Variants in DNAH9 observed in about 807,000 individuals in gnomAD.
The protein encoded by DNAH9 is DNAH9 variant protein.
DNAH9 carries 345 observed loss-of-function variants against 471.6 expected under a neutral mutation model. That is an observed-to-expected ratio of 0.73 (90% confidence interval 0.67 to 0.80). The LOEUF is 0.80. Among genes scored for constraint, DNAH9 ranks in the 30% least tolerant of loss-of-function variants. The pLI is 0.00. For missense variants in DNAH9, 5,407 were observed against 5,609.2 expected, an observed-to-expected ratio of 0.96 and a Z score of 1.15; for synonymous variants, 2,093 against 2,123.6, an observed-to-expected ratio of 0.99 and a Z score of 0.40.
rs1221688328 is a variant in DNAH9 at position 11,763,312 on chromosome 17, G to A, written c.6996-128G>A. On this transcript the variant is annotated intron_variant, in intron 35 of 68. Transcript: ENST00000262442. ...TAAAGGCTTAAGTGGCGCTCTGGTT[G>A]TCTGTAATCCCAAAGAACTTGACGG... The A allele has an allele frequency of 8.9e-6, 7 of 785,632 alleles. 1 individual carries two copies. Among genetic ancestry groups the A allele is most frequent in the Non-Finnish European group, 1.5e-5 (7 of 477,586 alleles). The allele number at this position is 785,632 out of a possible 1,614,324, so 48.7% of individuals were successfully genotyped here.
In DNAH9 at chr17:11,669,046, G is replaced by A; in HGVS notation, c.2732-18G>A. 1 of 1,574,682 alleles carries A rather than the reference G, an allele frequency of 6.4e-7. No individual in the cohort carries two copies. Among genetic ancestry groups the A allele is most frequent in the South Asian group, 1.1e-5 (1 of 87,688 alleles). On this transcript the variant is annotated intron_variant, in intron 15 of 68. Transcript: ENST00000262442. ...TATCCACTCTTTGTTTTGTTTGCTT[G>A]TTTTCTGTGTTTTTCAGAGTGTAAG...
chr17:11,904,757 G>A (rs1419522461), intron 60 of DNAH9, among the ~76,000 whole-genome samples: 1 of 151,892 alleles, frequency 6.6e-6, no homozygotes, highest in South Asian at 2.1e-4. Context: ...GAGCCCAGTC[G>A]AGAAGGCTAC....
chr17:11,834,984 A>G, intron 49 of DNAH9, 86 bp downstream of exon 49: 2 of 1,515,874 alleles, frequency 1.3e-6, no homozygotes, highest in Non-Finnish European at 1.8e-6. Context: ...AGATGCAAGG[A>G]CAATGTTGGG....
intron 45 of DNAH9, among the ~76,000 whole-genome samples, chr17:11,816,251 C>CA (rs940423501): frequency 3.3e-5 from 5 of 151,674 alleles, no homozygotes; most frequent in South Asian, 4.2e-4. Context: ...TCCAGAAATA[C>CA]AAAAAAAAGA....
At position 11,757,579 on chromosome 17, in the gene DNAH9, G is replaced by T; in HGVS notation, c.6882G>T (p.Trp2294Cys). The part of the protein sequence containing the change: ...ILYINPADLG[W>C]NPPVSSWIEK... ...ACATCAACCCGGCAGACTTGGGATG[G>T]AACCCTCCAGTGAGCAGCTGGATTG... Residue 2294 changes from tryptophan (W) to cysteine (C), a missense_variant, in exon 35 of 69, where the codon TGG (tryptophan) becomes TGT (cysteine). By Grantham distance (215) the Trp-to-Cys change is radical. This residue lies in a region of DNAH9 where 4,636 missense variants were observed against 4,900.3 expected (regional missense o/e 0.95). Coordinates refer to ENST00000262442, the MANE Select transcript of DNAH9 (RefSeq NM_001372.4). 6.2e-7 allele frequency: 1 copy of T among 1,613,970 alleles called. No homozygotes were observed. The highest frequency in any genetic ancestry group is 8.5e-7 in the Non-Finnish European group (1 of 1,179,820).
chr17:11,940,946 T>C (rs1365462551), intron 66 of DNAH9, among the ~76,000 whole-genome samples: 1 of 152,180 alleles, frequency 6.6e-6, no homozygotes, highest in Non-Finnish European at 1.5e-5. Context: ...AGGCAAGAAA[T>C]GGCTCACTCT....
At chr17:11,676,781 G>T (rs2150736964) in intron 17 of DNAH9, among the ~76,000 whole-genome samples, 1 of 151,124 alleles carries the variant, frequency 6.6e-6, no homozygotes, top group Admixed American at 6.6e-5. Context: ...TGAGTCTTTT[G>T]TCTGTTTGCA....
chr17:11,605,146 C>G (rs1301201054), intron 1 of DNAH9, among the ~76,000 whole-genome samples: 1 of 152,168 alleles, frequency 6.6e-6, no homozygotes, highest in Non-Finnish European at 1.5e-5. Context: ...GTTCCTTCTC[C>G]CTGCAATATA....
intron 26 of DNAH9, among the ~76,000 whole-genome samples, chr17:11,706,849 T>C (rs1464744638): frequency 6.6e-6 from 1 of 152,146 alleles, no homozygotes; most frequent in African/African-American, 2.4e-5. Context: ...GGTGGCAAAG[T>C]CACAGACATG....
At chr17:11,888,205 C>A (rs547523562) in intron 57 of DNAH9, among the ~76,000 whole-genome samples, 1 of 151,876 alleles carries the variant, frequency 6.6e-6, no homozygotes, top group Non-Finnish European at 1.5e-5. Context: ...AGGATGGTCT[C>A]GATCTCCGGA....
intron 4 of DNAH9, among the ~76,000 whole-genome samples, chr17:11,615,441 C>G (rs1005837073): frequency 5.9e-5 from 9 of 151,980 alleles, no homozygotes; most frequent in African/African-American, 2.2e-4. Flanking sequence ...AAAAATTAGC[C>G]AGACATGGTG....
At position 11,618,996 on chromosome 17, in the gene DNAH9, A is replaced by T. The variant is rs2150654658; in HGVS notation, c.1117-552A>T. ...GAAAACCGAAACCAAAAGTAGGAGC[A>T]AAAAAAGAAAACATATTGGCTCATG... On this transcript the variant is annotated intron_variant, in intron 5 of 68. Transcript: ENST00000262442. 1.3e-5 allele frequency among the ~76,000 whole-genome samples: 2 copies of T among 152,236 alleles called. 1 individual carries two copies. Among genetic ancestry groups the T allele is most frequent in the South Asian group, 4.1e-4 (2 of 4,820 alleles).
Position 11,611,652 on chromosome 17 carries a change from A to G in DNAH9, c.776A>G (p.Tyr259Cys), listed in dbSNP as rs531802504. ...CACCCTTCTTCATGATATTGCAGGTATGAAGATCTGAAATACATCTATAAT... is the reference window on the plus strand; with the variant it reads ...CACCCTTCTTCATGATATTGCAGGTGTGAAGATCTGAAATACATCTATAAT... ...KVELEFWKSR[Y>C]EDLKYIYNQL... Residue 259 changes from tyrosine (Y) to cysteine (C), a missense_variant and splice_region_variant, in exon 4 of 69, where the codon TAT becomes TGT. Around this residue, in one of 3 missense-constraint regions of DNAH9, gnomAD observed 767 missense variants for 692.5 expected, o/e 1.11. Coordinates refer to ENST00000262442, the MANE Select transcript of DNAH9 (RefSeq NM_001372.4). 7.0e-5 allele frequency: 113 copies of G among 1,613,826 alleles called. No homozygotes were observed. The highest frequency in any genetic ancestry group is 8.7e-5 in the Non-Finnish European group (103 of 1,179,802).
intron 28 of DNAH9, among the ~76,000 whole-genome samples, chr17:11,729,300 C>A (rs1267308772): frequency 6.6e-6 from 1 of 152,094 alleles, no homozygotes; most frequent in African/African-American, 2.4e-5. Flanking sequence ...TGAGCACCCC[C>A]CTTCTCCTGC....
At chr17:11,801,448 G>A (rs568652592) in intron 43 of DNAH9, among the ~76,000 whole-genome samples, 1 of 152,256 alleles carries the variant, frequency 6.6e-6, no homozygotes, top group Non-Finnish European at 1.5e-5. Context: ...CCAGCACTTT[G>A]GGAGGCCGAT....
chr17:11,666,729 T>G (rs1409836762), intron 15 of DNAH9, among the ~76,000 whole-genome samples: 2 of 152,086 alleles, frequency 1.3e-5, no homozygotes, highest in Non-Finnish European at 2.9e-5. Flanking sequence ...TTTTGTCTGG[T>G]CAAACCCACA....
intron 67 of DNAH9, among the ~76,000 whole-genome samples, chr17:11,950,210 T>TG (rs1157743003): frequency 6.6e-6 from 1 of 152,210 alleles, no homozygotes; most frequent in Non-Finnish European, 1.5e-5. Context: ...ACTTTTCTTA[T>TG]AACTGATGAA....
intron 17 of DNAH9, among the ~76,000 whole-genome samples, chr17:11,674,223 C>G (rs2074015958): frequency 6.6e-6 from 1 of 152,168 alleles, no homozygotes; most frequent in African/African-American, 2.4e-5. Context: ...ATGGAATGGG[C>G]AAGCATTCCT....
At chr17:11,711,218 C>T (rs912453237) in intron 26 of DNAH9, among the ~76,000 whole-genome samples, 3 of 152,026 alleles carry the variant, frequency 2.0e-5, no homozygotes, top group Non-Finnish European at 2.9e-5. Context: ...TCCTGAGCCT[C>T]GTCCCCCAGC....
Sources: gnomAD v4.1 joint callset for allele counts (sites outside exome capture counted in the v4.1 genomes callset) on GRCh38, gnomAD v4.1.1 for gene constraint, gnomAD v4.1.1 regional missense constraint, MANE v1.5 for transcripts, NCBI Gene and HGNC (gene_info 2026-07-23, HGNC 2026-07-21) for gene names.